Variants in FUT9 observed in about 807,000 individuals in gnomAD.
FUT9 encodes the protein 4-galactosyl-N-acetylglucosaminide 3-alpha-L-fucosyltransferase 9.
FUT9 carries 15 observed loss-of-function variants against 29.7 expected under a neutral mutation model. The ratio of observed to expected loss-of-function variants is 0.51; its 90% CI spans 0.34 to 0.78. The LOEUF (loss-of-function observed/expected upper bound fraction) is 0.78, where lower values mean the gene tolerates loss of function less well. FUT9 is among the 30% of genes least tolerant of loss of function. The probability of loss-of-function intolerance (pLI) is 0.01; values close to 1 mark genes in which losing one functional copy is unlikely to be tolerated. For missense variants in FUT9, 319 were observed against 425.4 expected (o/e 0.75, Z 2.20); for synonymous variants, 169 against 153.7 (o/e 1.10, Z -0.74).
intron 1 of FUT9, among the ~76,000 whole-genome samples, chr6:96,087,721 G>C (rs1272061471): frequency 6.6e-6 from 1 of 152,098 alleles, no homozygotes; most frequent in African/African-American, 2.4e-5. Context: ...ATGTTACGTA[G>C]AAGTTGTAAA....
chr6:96,030,107 T>G (rs557538573), intron 1 of FUT9, among the ~76,000 whole-genome samples: 1 of 151,628 alleles, frequency 6.6e-6, no homozygotes. Context: ...AGTAACTATA[T>G]AGAAGGCCTG....
chr6:96,051,718 A>G (rs1770673991), intron 1 of FUT9, among the ~76,000 whole-genome samples: 1 of 152,158 alleles, frequency 6.6e-6, no homozygotes, highest in Non-Finnish European at 1.5e-5. Flanking sequence ...GAAATTTGCA[A>G]ATCAATATTA....
intron 1 of FUT9, among the ~76,000 whole-genome samples, chr6:96,030,115 C>G (rs1770235449): frequency 6.6e-6 from 1 of 151,504 alleles, no homozygotes; most frequent in African/African-American, 2.4e-5. Context: ...TATAGAAGGC[C>G]TGAACAACAT....
At chr6:96,124,291 A>C (rs1432193745) in intron 2 of FUT9, among the ~76,000 whole-genome samples, 1 of 151,352 alleles carries the variant, frequency 6.6e-6, no homozygotes, top group East Asian at 2.0e-4. Flanking sequence ...AGCTGGAACT[A>C]AAGGCGCCTG....
intron 1 of FUT9, among the ~76,000 whole-genome samples, chr6:96,088,502 T>C (rs1771356212): frequency 6.6e-6 from 1 of 151,172 alleles, no homozygotes; most frequent in Admixed American, 6.6e-5. Flanking sequence ...CATTTCCCCA[T>C]AGCTGTATGA....
At position 96,204,944 on chromosome 6, in the gene FUT9, T is replaced by A. The variant is rs1582309449; in HGVS notation, c.*709T>A. 1 of 162,470 alleles carries A rather than the reference T, an allele frequency of 6.2e-6. No homozygotes were observed. The highest frequency in any genetic ancestry group is 1.9e-4 in the East Asian group (1 of 5,202). The allele number at this position is 162,470 out of a possible 1,614,324, so 10.1% of individuals were successfully genotyped here. ...TTAAATATCCAATTTGTTGTGATTT[T>A]CAGCACCTGGGAAGTAATCCCAATA... On this transcript the variant is annotated 3_prime_UTR_variant, in exon 3 of 3. Coordinates refer to ENST00000302103, the MANE Select transcript of FUT9 (RefSeq NM_006581.4).
chr6:96,106,455 A>G (rs1771688050), intron 1 of FUT9, among the ~76,000 whole-genome samples: 1 of 152,002 alleles, frequency 6.6e-6, no homozygotes, highest in Admixed American at 6.6e-5. Flanking sequence ...AGTGTCACCA[A>G]CTGTCTGACC....
chr6:96,020,043 T>C (rs1382983993), intron 1 of FUT9, among the ~76,000 whole-genome samples: 2 of 152,156 alleles, frequency 1.3e-5, no homozygotes, highest in African/African-American at 2.4e-5. Context: ...TCAAGGACCA[T>C]CTCAATGCCT....
At chr6:96,198,701 C>T (rs1054665284) in intron 2 of FUT9, among the ~76,000 whole-genome samples, 6 of 152,186 alleles carry the variant, frequency 3.9e-5, no homozygotes, top group African/African-American at 1.4e-4. Context: ...ACACTGACTT[C>T]CACAATGGTT....
chr6:96,204,410 T>C lies in FUT9; in HGVS notation c.*175T>C. 1 of 428,880 alleles carries C rather than the reference T, an allele frequency of 2.3e-6. No homozygotes were observed. Among genetic ancestry groups the C allele is most frequent in the Non-Finnish European group, 4.2e-6 (1 of 237,338 alleles). 26.6% of individuals were successfully genotyped at this position (428,880 alleles called of 1,614,324 possible). The stretch of plus-strand genomic sequence containing the variant: ...TTAAAAGCTCAGCATGAGCAATCAT[T>C]CCATTCGGTTTTAAATTATCCTGTA... On this transcript the variant is annotated 3_prime_UTR_variant, in exon 3 of 3. Coordinates refer to ENST00000302103, the MANE Select transcript of FUT9 (RefSeq NM_006581.4).
intron 2 of FUT9, among the ~76,000 whole-genome samples, chr6:96,198,705 A>G (rs1438039987): frequency 6.6e-6 from 1 of 152,158 alleles, no homozygotes; most frequent in Non-Finnish European, 1.5e-5. Flanking sequence ...TGACTTCCAC[A>G]ATGGTTGAAC....
intron 1 of FUT9, among the ~76,000 whole-genome samples, chr6:96,064,287 T>C (rs1261898132): frequency 6.6e-6 from 1 of 152,186 alleles, no homozygotes; most frequent in African/African-American, 2.4e-5. Flanking sequence ...AGTTTAGTAC[T>C]GAGACCCAGC....
intron 1 of FUT9, among the ~76,000 whole-genome samples, chr6:96,048,182 G>A (rs889353590): frequency 6.6e-6 from 1 of 152,048 alleles, no homozygotes; most frequent in Non-Finnish European, 1.5e-5. Flanking sequence ...ATTATATTGG[G>A]CCCTCCAGAA....
chr6:96,113,008 G>A (rs1307088226), intron 1 of FUT9, among the ~76,000 whole-genome samples: 1 of 152,084 alleles, frequency 6.6e-6, no homozygotes, highest in Non-Finnish European at 1.5e-5. Context: ...CGAATTATTT[G>A]ATCTTTATAT....
chr6:96,018,691 A>C (rs1048584597), intron 1 of FUT9, among the ~76,000 whole-genome samples: 1 of 152,036 alleles, frequency 6.6e-6, no homozygotes, highest in African/African-American at 2.4e-5. Flanking sequence ...GAGATATTTA[A>C]AATTATGGAA....
At chr6:96,132,920 A>G (rs1355629016) in intron 2 of FUT9, among the ~76,000 whole-genome samples, 2 of 139,968 alleles carry the variant, frequency 1.4e-5, no homozygotes, top group African/African-American at 5.3e-5. Flanking sequence ...TTATGTATCT[A>G]TAGCCATTTA....
intron 1 of FUT9, among the ~76,000 whole-genome samples, chr6:96,039,161 C>T (rs1770411982): frequency 6.6e-6 from 1 of 152,004 alleles, no homozygotes. Flanking sequence ...ATAATTTACG[C>T]TCAGCAGATG....
At chr6:96,133,381 CA>C (rs1187374348) in intron 2 of FUT9, among the ~76,000 whole-genome samples, 1 of 151,418 alleles carries the variant, frequency 6.6e-6, no homozygotes, top group African/African-American at 2.4e-5. Flanking sequence ...GAAGTAAAAC[CA>C]AAAAAAGGAA....
At chr6:96,067,172 A>G (rs1770976199) in intron 1 of FUT9, among the ~76,000 whole-genome samples, 1 of 146,142 alleles carries the variant, frequency 6.8e-6, no homozygotes, top group Non-Finnish European at 1.5e-5. Context: ...TAGGCTATGG[A>G]TACATAAACT....
Sources: allele counts gnomAD v4.1 joint callset (sites outside exome capture counted in the v4.1 genomes callset), GRCh38; gene constraint gnomAD v4.1.1; transcripts MANE v1.5; gene names NCBI Gene and HGNC (gene_info 2026-07-23, HGNC 2026-07-21).